The following TNRC6A variants were observed in gnomAD, a reference collection of about 807,000 sequenced individuals.
The protein encoded by TNRC6A is trinucleotide repeat-containing gene 6A protein.
Under a neutral mutation model 221.2 loss-of-function variants are expected in TNRC6A, and 44 were observed. The observed-to-expected ratio is 0.20, with a 90% CI of 0.16 to 0.26. TNRC6A has a LOEUF of 0.26. Among genes scored for constraint, TNRC6A ranks in the 10% least tolerant of loss-of-function variants. The probability of loss-of-function intolerance (pLI) is 1.00; values close to 1 mark genes in which losing one functional copy is unlikely to be tolerated. For synonymous variants in TNRC6A, 847 were observed against 838.5 expected, an observed-to-expected ratio of 1.01 and a Z score of -0.18; for missense variants, 2,199 against 2,404.4, an observed-to-expected ratio of 0.91 and a Z score of 1.79.
chr16:24,657,340 A>AAAAAAAAAAAAAC (rs1567330492), intron 2 of TNRC6A, among the ~76,000 whole-genome samples: 1 of 113,758 alleles, frequency 8.8e-6, no homozygotes, highest in Admixed American at 1.1e-4. Flanking sequence ...AAAAAAAAAA[A>AAAAAAAAAAAAAC]AACAAACAAA....
chr16:24,818,367 G>T (rs1007392516), intron 20 of TNRC6A, among the ~76,000 whole-genome samples: 3 of 152,180 alleles, frequency 2.0e-5, no homozygotes, highest in Non-Finnish European at 4.4e-5. Flanking sequence ...GACAAAATCA[G>T]AGGGAAAATG....
At chr16:24,700,854 G>T (rs1183149251) in intron 2 of TNRC6A, among the ~76,000 whole-genome samples, 1 of 152,154 alleles carries the variant, frequency 6.6e-6, no homozygotes, top group African/African-American at 2.4e-5. Flanking sequence ...CAAACCACTT[G>T]TTCCCTGCCA....
intron 2 of TNRC6A, among the ~76,000 whole-genome samples, chr16:24,731,124 C>T (rs1326119927): frequency 1.3e-5 from 2 of 152,012 alleles, no homozygotes; most frequent in Non-Finnish European, 2.9e-5. Flanking sequence ...TTTCTTATTC[C>T]CCTTTTTCTT....
chr16:24,644,540 C>T (rs570771794), intron 2 of TNRC6A, among the ~76,000 whole-genome samples: 1 of 151,546 alleles, frequency 6.6e-6, no homozygotes, highest in African/African-American at 2.4e-5. Flanking sequence ...GCGATCCTCC[C>T]GCATCAGCCT....
At position 24,723,793 on chromosome 16, in the gene TNRC6A, C is replaced by T. The variant is rs1378356680; in HGVS notation, n.403-26933C>T. ...TGCAATTATCACATAAATTGAGAGA[C>T]AACTGTTTCTATTTGTTCAGAACTT... On this transcript the variant is annotated intron_variant and non_coding_transcript_variant, in intron 2 of 2. Transcript: ENST00000566108. Among the ~76,000 whole-genome samples the T allele has an allele frequency of 4.6e-5, 7 of 152,012 alleles. No individual in the cohort carries two copies. The South Asian group carries it at 6.2e-4, about 13-fold the overall frequency.
At chr16:24,709,612 G>A (rs779796275) in intron 2 of TNRC6A, among the ~76,000 whole-genome samples, 1 of 151,604 alleles carries the variant, frequency 6.6e-6, no homozygotes, top group Non-Finnish European at 1.5e-5. Context: ...TCGCTTAGAG[G>A]CCAGGAGTTC....
At chr16:24,781,013 C>G (rs2057830836) in intron 5 of TNRC6A, among the ~76,000 whole-genome samples, 1 of 135,882 alleles carries the variant, frequency 7.4e-6, no homozygotes, top group South Asian at 2.4e-4. Context: ...CTTCTCTATC[C>G]TTAAAAAAAT....
At chr16:24,701,974 G>GA (rs997015059) in intron 2 of TNRC6A, among the ~76,000 whole-genome samples, 1 of 150,814 alleles carries the variant, frequency 6.6e-6, no homozygotes, top group South Asian at 2.1e-4. Flanking sequence ...TTCCTGTACT[G>GA]AAAAAAAACA....
chr16:24,781,403 C>T (rs1323450584), intron 5 of TNRC6A, among the ~76,000 whole-genome samples: 1 of 152,104 alleles, frequency 6.6e-6, no homozygotes, highest in African/African-American at 2.4e-5. Flanking sequence ...TTCTCCCTCC[C>T]CCCTTTCAGT....
At chr16:24,687,159 C>T (rs2055643359) in intron 2 of TNRC6A, among the ~76,000 whole-genome samples, 1 of 152,190 alleles carries the variant, frequency 6.6e-6, no homozygotes, top group African/African-American at 2.4e-5. Context: ...GATACTAGGT[C>T]TCCCTAGGGA....
intron 2 of TNRC6A, among the ~76,000 whole-genome samples, chr16:24,656,339 T>A (rs543683041): frequency 3.3e-5 from 5 of 151,480 alleles, no homozygotes; most frequent in Non-Finnish European, 7.4e-5. Context: ...TGGTGGCGCA[T>A]GCCTGTAATC....
chr16:24,716,635 A>T (rs1182627766), intron 2 of TNRC6A, among the ~76,000 whole-genome samples: 1 of 152,070 alleles, frequency 6.6e-6, no homozygotes, highest in Non-Finnish European at 1.5e-5. Context: ...ACTGCATTCC[A>T]GCTTGGGTGA....
At position 24,790,928 on chromosome 16, in the gene TNRC6A, C is replaced by G; in HGVS notation, c.2286C>G (p.Asn762Lys). 6.2e-7 allele frequency: 1 copy of G among 1,613,842 alleles called. No individual in the cohort carries two copies. Among genetic ancestry groups the G allele is most frequent in the South Asian group, 1.1e-5 (1 of 91,032 alleles). The change falls in exon 6 of 25, where the codon AAC becomes AAG. Residue 762 changes from asparagine to lysine, a missense_variant. By Grantham distance (94) the Asn-to-Lys change is moderately conservative (BLOSUM62 0). Transcript: ENST00000395799. ...AWGSSATQTF[N>K]SGACIDKTSP... ...GAAGCTCTGCAACACAGACTTTTAA[C>G]TCAGGGGCATGTATAGATAAGACTA...
intron 9 of TNRC6A, chr16:24,796,270 C>G (rs1262129200): frequency 3.6e-6 from 1 of 276,044 alleles, no homozygotes; most frequent in Non-Finnish European, 6.7e-6. Context: ...ATTGTAGTGT[C>G]TTCAGTAGCA....
At chr16:24,713,424 A>G (rs2056245961) in intron 2 of TNRC6A, among the ~76,000 whole-genome samples, 1 of 117,616 alleles carries the variant, frequency 8.5e-6, no homozygotes, top group Non-Finnish European at 1.6e-5. Context: ...TCTAAAACAA[A>G]CAAACAAACA....
intron 4 of TNRC6A, among the ~76,000 whole-genome samples, chr16:24,766,579 A>G (rs1201982294): frequency 1.3e-5 from 2 of 152,182 alleles, no homozygotes; most frequent in South Asian, 2.1e-4. Flanking sequence ...GGATCTATCA[A>G]CTTCATAAAT....
chr16:24,623,814 A>T (rs1900808124), intron 1 of TNRC6A, among the ~76,000 whole-genome samples: 1 of 135,976 alleles, frequency 7.4e-6, no homozygotes, highest in Non-Finnish European at 1.5e-5. Flanking sequence ...AGGTGGGAGG[A>T]TTGGTTGAGC....
chr16:24,806,835 C>T (rs918382795), intron 17 of TNRC6A, 51 bp downstream of exon 17: 33 of 1,552,974 alleles, frequency 2.1e-5, no homozygotes, highest in African/African-American at 4.1e-5. Flanking sequence ...GTATCACAGG[C>T]GTGCCTCCTT....
In TNRC6A at chr16:24,791,748, C is replaced by A. The variant is rs2058106212; in HGVS notation, c.3106C>A (p.Gln1036Lys). ...AAATGGCAACAGCCGTTCAGACCAG[C>A]AAGCACAGGTACATCAGCTGCTAAC... Reference protein sequence around the residue: ...VPNGNSRSDQQAQVHQLLTPA... With the variant: ...VPNGNSRSDQKAQVHQLLTPA... The change falls in exon 6 of 25, where the codon CAA (glutamine) becomes AAA (lysine). Residue 1036 changes from glutamine (Q) to lysine (K), a missense_variant. Around this residue, in one of 8 missense-constraint regions of TNRC6A, gnomAD observed 1,405 missense variants for 1,400.2 expected, o/e 1.00. Transcript: ENST00000395799. 1 of 1,609,428 alleles carries A rather than the reference C, an allele frequency of 6.2e-7. No individual in the cohort carries two copies. The highest frequency in any genetic ancestry group is 8.5e-7 in the Non-Finnish European group (1 of 1,178,336).
Sources: allele counts gnomAD v4.1 joint callset (sites outside exome capture counted in the v4.1 genomes callset), GRCh38; gene constraint gnomAD v4.1.1; regional missense constraint gnomAD v4.1.1; transcripts MANE v1.5; gene names NCBI Gene and HGNC (gene_info 2026-07-23, HGNC 2026-07-21).